Variants in TTC28 observed in about 807,000 individuals in gnomAD.
The protein encoded by TTC28 is tetratricopeptide repeat protein 28.
TTC28 carries 61 observed loss-of-function variants against 198.0 expected under a neutral mutation model. The ratio of observed to expected loss-of-function variants is 0.31; its 90% CI spans 0.25 to 0.38. TTC28 has a LOEUF of 0.38. Among genes scored for constraint, TTC28 ranks in the 10% least tolerant of loss-of-function variants. TTC28 has a pLI of 1.00. For missense variants in TTC28, 2,678 were observed against 3,164.0 expected, an observed-to-expected ratio of 0.85 and a Z score of 3.69; for synonymous variants, 1,171 against 1,297.8, an observed-to-expected ratio of 0.90 and a Z score of 2.10.
Position 28,141,399 on chromosome 22 carries a change from T to C in TTC28, c.1441+21693A>G, listed in dbSNP as rs1943329801. Among the ~76,000 whole-genome samples the C allele has an allele frequency of 2.6e-5, 4 of 152,198 alleles. No homozygotes were observed. In the South Asian group the frequency reaches 6.2e-4, roughly 24 times the overall value. ...ACTGCTTTATCTCTAATGCCTAGAA[T>C]AGTGTCTGAGACATAATTGGTACTA... is the stretch of plus-strand genomic sequence containing the variant. On this transcript the variant is annotated intron_variant, in intron 6 of 22. Transcript: ENST00000397906.
In TTC28 at chr22:27,998,928, G is replaced by A; in HGVS notation, c.4731C>T (p.Tyr1577=). The A allele has an allele frequency of 6.4e-7, 1 of 1,550,838 alleles. No individual in the cohort carries two copies. Among genetic ancestry groups the A allele is most frequent in the South Asian group, 1.2e-5 (1 of 84,056 alleles). ...ASSKSSFGHP[Y]TIPESLRVQD... is the part of the protein sequence containing the mutation. The stretch of plus-strand genomic sequence containing the variant: ...GCACCCGCAAGGACTCAGGGATCGT[G>A]TAGGGGTGGCCGAAGGAGCTCTTGC... The change falls in exon 16 of 23, where the codon TAC becomes TAT. Residue 1577 remains tyrosine, a synonymous_variant. Transcript: ENST00000397906.
chr22:28,085,224 T>C (rs1328235823), intron 12 of TTC28, among the ~76,000 whole-genome samples: 1 of 149,310 alleles, frequency 6.7e-6, no homozygotes, highest in East Asian at 2.0e-4. Flanking sequence ...TTCACCAAAG[T>C]TGAAATGAAG....
intron 5 of TTC28, among the ~76,000 whole-genome samples, chr22:28,165,366 C>T (rs1921804479): frequency 6.6e-6 from 1 of 152,004 alleles, no homozygotes; most frequent in African/African-American, 2.4e-5. Flanking sequence ...AACGCCAAGA[C>T]ACATAATTGT....
intron 5 of TTC28, among the ~76,000 whole-genome samples, chr22:28,184,620 AT>A (rs1459186147): frequency 1.3e-5 from 2 of 152,090 alleles, no homozygotes; most frequent in South Asian, 2.1e-4. Flanking sequence ...TAAAATTATT[AT>A]TTTTTGATTT....
chr22:27,985,310 G>C lies in TTC28; in HGVS notation c.5754C>G (p.Thr1918=), dbSNP rs201929868. The change falls in exon 22 of 23, where the codon ACC becomes ACG. Residue 1918 remains threonine, a synonymous_variant. Coordinates refer to ENST00000397906, the MANE Select transcript of TTC28 (RefSeq NM_001145418.2). ...EVGQEEVILK[T]GKQANRRTVH... is the part of the protein sequence containing the mutation. ...CAGTCCGTCGATTAGCTTGCTTCCC[G>C]GTTTTCAGGATTACTTCCTCCTGAC... 1.3e-6 allele frequency: 2 copies of C among 1,551,454 alleles called. No individual in the cohort carries two copies.
chr22:28,028,120 T>C (rs1938909990), intron 13 of TTC28, among the ~76,000 whole-genome samples: 1 of 152,328 alleles, frequency 6.6e-6, no homozygotes, highest in Non-Finnish European at 1.5e-5. Flanking sequence ...GCCGGCTATT[T>C]CCCTCATCCA....
chr22:28,452,130 C>T (rs537978157), intron 2 of TTC28, among the ~76,000 whole-genome samples: 2 of 152,186 alleles, frequency 1.3e-5, no homozygotes, highest in African/African-American at 2.4e-5. Context: ...TGGCTCACGC[C>T]TGTAATCCCA....
intron 2 of TTC28, among the ~76,000 whole-genome samples, chr22:28,316,326 T>C (rs1569256105): frequency 6.6e-6 from 1 of 152,216 alleles, no homozygotes; most frequent in Non-Finnish European, 1.5e-5. Context: ...TCCTCTCTCA[T>C]TACATTGTGT....
intron 13 of TTC28, among the ~76,000 whole-genome samples, chr22:28,028,001 A>T (rs908670269): frequency 6.6e-6 from 1 of 152,244 alleles, no homozygotes; most frequent in African/African-American, 2.4e-5. Flanking sequence ...TCTCTTGTGG[A>T]TGAAGGCCAG....
At chr22:28,249,844 G>A (rs1206674235) in intron 5 of TTC28, among the ~76,000 whole-genome samples, 2 of 152,168 alleles carry the variant, frequency 1.3e-5, no homozygotes, top group African/African-American at 2.4e-5. Context: ...ACTCAGTTCT[G>A]AGACATTACC....
At chr22:28,600,639 T>C (rs550676901) in intron 2 of TTC28, among the ~76,000 whole-genome samples, 14 of 152,296 alleles carry the variant, frequency 9.2e-5, no homozygotes, top group Admixed American at 2.6e-4. Flanking sequence ...TTATAATATC[T>C]TCAGAGAATA....
At chr22:28,233,351 T>C (rs1212216212) in intron 5 of TTC28, among the ~76,000 whole-genome samples, 1 of 152,192 alleles carries the variant, frequency 6.6e-6, no homozygotes, top group East Asian at 1.9e-4. Context: ...TTTGCTCATA[T>C]TTTAATTATT....
chr22:28,178,253 G>A (rs1341906066), intron 5 of TTC28, among the ~76,000 whole-genome samples: 4 of 148,040 alleles, frequency 2.7e-5, no homozygotes, highest in East Asian at 3.9e-4. Context: ...TCAGGAGTTC[G>A]AGACTAGCCT....
chr22:28,306,773 T>TTAGTTCATTTCATTACCAAC, intron 2 of TTC28, 130 bp from the exon 3 acceptor site: 1 of 963,348 alleles, frequency 1.0e-6, no homozygotes, highest in Non-Finnish European at 1.5e-6. Flanking sequence ...TAGTGAACAG[T>TTAGTTCATTTCATTACCAAC]TGGTAATGAA....
At chr22:28,352,332 T>C (rs953865495) in intron 2 of TTC28, among the ~76,000 whole-genome samples, 4 of 150,678 alleles carry the variant, frequency 2.7e-5, no homozygotes, top group Non-Finnish European at 4.4e-5. Context: ...TATATATATA[T>C]ATATCTCCCG....
chr22:28,250,913 G>A (rs554757914), intron 5 of TTC28, among the ~76,000 whole-genome samples: 1 of 152,300 alleles, frequency 6.6e-6, no homozygotes, highest in South Asian at 2.1e-4. Context: ...ACAACCTGAT[G>A]GCAAGGAAGG....
intron 2 of TTC28, among the ~76,000 whole-genome samples, chr22:28,513,812 T>A (rs2048732602): frequency 6.6e-6 from 1 of 152,122 alleles, no homozygotes; most frequent in Admixed American, 6.6e-5. Context: ...TATGTGTATA[T>A]GTATATTAAA....
chr22:28,679,437 G>A (rs1202581467), intron 1 of TTC28, among the ~76,000 whole-genome samples, 185 bp downstream of exon 1: 1 of 152,126 alleles, frequency 6.6e-6, no homozygotes, highest in Admixed American at 6.5e-5. Context: ...ACACTCTCGC[G>A]GAAACTGAGC....
intron 2 of TTC28, among the ~76,000 whole-genome samples, chr22:28,385,910 C>T (rs1219222348): frequency 6.6e-6 from 1 of 152,130 alleles, no homozygotes; most frequent in Non-Finnish European, 1.5e-5. Context: ...GCCAAAAACA[C>T]TTTTTCCCTC....
Sources: allele counts gnomAD v4.1 joint callset (sites outside exome capture counted in the v4.1 genomes callset), GRCh38; gene constraint gnomAD v4.1.1; transcripts MANE v1.5; gene names NCBI Gene and HGNC (gene_info 2026-07-23, HGNC 2026-07-21).